Variants in SIPA1L3 observed in about 807,000 individuals in gnomAD.
SIPA1L3 encodes the protein signal-induced proliferation-associated 1-like protein 3.
SIPA1L3 carries 59 observed loss-of-function variants against 150.1 expected under a neutral mutation model. The ratio of observed to expected loss-of-function variants is 0.39; its 90% CI spans 0.32 to 0.49. The LOEUF is 0.49. Ranked by LOEUF, SIPA1L3 falls within the 20% of genes least tolerant of loss-of-function variation. The pLI, the probability that SIPA1L3 is intolerant of heterozygous loss-of-function variation, is 0.86. For synonymous variants in SIPA1L3, 1,070 were observed against 1,077.6 expected (o/e 0.99, Z 0.14); for missense variants, 2,211 against 2,489.5 (o/e 0.89, Z 2.38).
chr19:38,134,332 A>G (rs943237538), intron 10 of SIPA1L3, among the ~76,000 whole-genome samples: 17 of 147,294 alleles, frequency 1.2e-4, no homozygotes, highest in Non-Finnish European at 1.8e-4. Context: ...ATGTAGTCTC[A>G]GCTACTCAGG....
chr19:37,920,019 G>A (rs1235588765), intron 1 of SIPA1L3, among the ~76,000 whole-genome samples: 1 of 151,142 alleles, frequency 6.6e-6, no homozygotes, highest in Non-Finnish European at 1.5e-5. Flanking sequence ...TGGGCCCTGA[G>A]GCTTTAATAC....
intron 10 of SIPA1L3, among the ~76,000 whole-genome samples, chr19:38,137,492 A>AT (rs57123423): frequency 1.4e-4 from 20 of 147,628 alleles, no homozygotes; most frequent in Admixed American, 2.0e-4. Flanking sequence ...CCTGGCCCAT[A>AT]TTTTTTTTTT....
At chr19:37,944,552 A>C (rs886461955) in intron 1 of SIPA1L3, among the ~76,000 whole-genome samples, 9 of 152,130 alleles carry the variant, frequency 5.9e-5, no homozygotes, top group Non-Finnish European at 1.3e-4. Context: ...GCTTTTAAGG[A>C]TTTACCCTGT....
At chr19:38,165,404 C>T (rs537961560) in intron 15 of SIPA1L3, among the ~76,000 whole-genome samples, 1 of 152,302 alleles carries the variant, frequency 6.6e-6, no homozygotes, top group African/African-American at 2.4e-5. Flanking sequence ...CTGTGTCTCC[C>T]TGCTCGGCAT....
intron 2 of SIPA1L3, among the ~76,000 whole-genome samples, chr19:38,059,460 C>T (rs572150082): frequency 6.6e-6 from 1 of 152,134 alleles, no homozygotes; most frequent in East Asian, 1.9e-4. Context: ...CCTGCCACCA[C>T]GCCTAGCTAA....
chr19:37,925,713 C>T (rs1485399151), intron 1 of SIPA1L3, among the ~76,000 whole-genome samples: 1 of 151,280 alleles, frequency 6.6e-6, no homozygotes, highest in Admixed American at 6.6e-5. Context: ...CCTGCCTCAG[C>T]CTCCTGAGTA....
At chr19:38,128,503 G>A (rs1432800364) in intron 9 of SIPA1L3, among the ~76,000 whole-genome samples, 1 of 152,194 alleles carries the variant, frequency 6.6e-6, no homozygotes, top group Non-Finnish European at 1.5e-5. Flanking sequence ...GAATATTTGT[G>A]TCTGTGGGCA....
intron 12 of SIPA1L3, among the ~76,000 whole-genome samples, chr19:38,145,439 G>T (rs746514432): frequency 6.6e-6 from 1 of 150,940 alleles, no homozygotes; most frequent in Non-Finnish European, 1.5e-5. Context: ...AGGCTGAAGC[G>T]AGAGAATCGT....
intron 2 of SIPA1L3, among the ~76,000 whole-genome samples, chr19:38,072,869 T>C (rs933187159): frequency 2.6e-5 from 4 of 152,192 alleles, no homozygotes; most frequent in Non-Finnish European, 4.4e-5. Flanking sequence ...CCTCACAGAG[T>C]TGGGCCTTTT....
At chr19:38,141,532 C>A in intron 11 of SIPA1L3, 97 bp downstream of exon 11, 1 of 1,306,742 alleles carries the variant, frequency 7.7e-7, no homozygotes, top group East Asian at 2.3e-5. Context: ...CCATCCTCTT[C>A]CTCGCCTCAA....
chr19:38,112,925 G>A (rs903163330), intron 8 of SIPA1L3, among the ~76,000 whole-genome samples: 23 of 152,126 alleles, frequency 1.5e-4, no homozygotes, highest in African/African-American at 5.1e-4. Context: ...ACTGAACTCA[G>A]GGCGAGGTGC....
At chr19:38,087,966 C>T (rs1377252712) in intron 3 of SIPA1L3, among the ~76,000 whole-genome samples, 8 of 151,930 alleles carry the variant, frequency 5.3e-5, no homozygotes, top group Admixed American at 5.2e-4. Flanking sequence ...TGCAGTGAGC[C>T]GAGATCGCGC....
chr19:38,021,462 T>C (rs563330203), intron 1 of SIPA1L3, among the ~76,000 whole-genome samples: 1 of 151,904 alleles, frequency 6.6e-6, no homozygotes, highest in African/African-American at 2.4e-5. Flanking sequence ...CAAATCCAGC[T>C]ATCACATCTG....
intron 1 of SIPA1L3, among the ~76,000 whole-genome samples, chr19:37,946,540 T>G (rs2096283174): frequency 6.6e-6 from 1 of 152,260 alleles, no homozygotes; most frequent in South Asian, 2.1e-4. Context: ...TGTATCTGTT[T>G]ATTAATCATG....
intron 4 of SIPA1L3, among the ~76,000 whole-genome samples, chr19:38,096,777 A>G (rs1201001595): frequency 6.6e-6 from 1 of 152,170 alleles, no homozygotes; most frequent in African/African-American, 2.4e-5. Flanking sequence ...TGGTACAACC[A>G]CTTGGAAAAC....
chr19:37,974,255 T>G (rs1967021158), intron 1 of SIPA1L3, among the ~76,000 whole-genome samples: 1 of 152,120 alleles, frequency 6.6e-6, no homozygotes, highest in Non-Finnish European at 1.5e-5. Flanking sequence ...GCATGATGGC[T>G]TGCACCTGTA....
chr19:37,951,598 C>T lies in SIPA1L3; in HGVS notation c.-379+44240C>T, dbSNP rs77977288. ...TTAGAAACAGAAGTGGGAAAAAAAA[C>T]AACTTAAAAAAAGCCCCGGGCCAGG... On this transcript the variant is annotated intron_variant, in intron 1 of 21. Transcript: ENST00000222345. Among the ~76,000 whole-genome samples, 2 of 151,930 alleles carry T rather than the reference C, an allele frequency of 1.3e-5. 1 individual carries two copies. Among genetic ancestry groups the T allele is most frequent in the Admixed American group, 1.3e-4 (2 of 15,250 alleles).
chr19:38,022,426 T>TCAAGAAAAAAATAAATAAA (rs1968394362), intron 1 of SIPA1L3, among the ~76,000 whole-genome samples: 1 of 150,520 alleles, frequency 6.6e-6, no homozygotes. Context: ...AGACCCTATC[T>TCAAGAAAAAAATAAATAAA]TTAAGAAGAA....
At chr19:38,160,516 C>T (rs1972058449) in intron 13 of SIPA1L3, among the ~76,000 whole-genome samples, 1 of 152,060 alleles carries the variant, frequency 6.6e-6, no homozygotes. Context: ...ATTCTTCTGC[C>T]TCAGCCTCCC....
Sources: gnomAD v4.1 joint callset for allele counts (sites outside exome capture counted in the v4.1 genomes callset) on GRCh38, gnomAD v4.1.1 for gene constraint, MANE v1.5 for transcripts, NCBI Gene and HGNC (gene_info 2026-07-23, HGNC 2026-07-21) for gene names.